Variants in RAF1 observed in about 807,000 individuals in gnomAD.
The protein encoded by RAF1 is Raf-1 proto-oncogene, serine/threonine kinase.
RAF1 carries 27 observed loss-of-function variants against 81.1 expected under a neutral mutation model. The observed-to-expected ratio is 0.33, with a 90% confidence interval of 0.25 to 0.46. RAF1 has a LOEUF of 0.46. Ranked by LOEUF, RAF1 falls within the 20% of genes least tolerant of loss-of-function variation. RAF1 has a pLI of 1.00. For synonymous variants in RAF1, 298 were observed against 294.0 expected, an observed-to-expected ratio of 1.01 and a Z score of -0.14; for missense variants, 598 against 826.0, an observed-to-expected ratio of 0.72 and a Z score of 3.38.
chr3:12,598,522 C>T (rs866824711), intron 11 of RAF1, among the ~76,000 whole-genome samples: 1 of 151,754 alleles, frequency 6.6e-6, no homozygotes, highest in Non-Finnish European at 1.5e-5. Context: ...TGCTTGAGTC[C>T]AGGAGTTGGA....
intron 5 of RAF1, among the ~76,000 whole-genome samples, chr3:12,607,367 G>A (rs1249864551): frequency 2.0e-5 from 3 of 152,226 alleles, no homozygotes; most frequent in African/African-American, 7.2e-5. Flanking sequence ...AGCTTGTGCC[G>A]CCGGATGCGG....
chr3:12,635,237 T>C (rs2059980833), intron 1 of RAF1, among the ~76,000 whole-genome samples: 1 of 143,018 alleles, frequency 7.0e-6, no homozygotes, highest in South Asian at 2.2e-4. Flanking sequence ...GAGAATTGCT[T>C]GAAACCGGGA....
At chr3:12,594,621 G>A (rs2058628523) in intron 11 of RAF1, among the ~76,000 whole-genome samples, 1 of 152,154 alleles carries the variant, frequency 6.6e-6, no homozygotes, top group Admixed American at 6.5e-5. Flanking sequence ...TTCCACACAC[G>A]TTATCATTAA....
rs2058798173 is a variant in RAF1 at position 12,599,752 on chromosome 3, C to A, written c.1107G>T (p.Val369=). Residue 369 remains valine, a synonymous_variant, in exon 11 of 18, where the codon GTG becomes GTT. Transcript: ENST00000442415. ...CTGACCCAATCCGAGTGGACAGCAT[C>A]ACTTCACTGGCTTCTATTTCCCAAT... 1.2e-6 allele frequency: 2 copies of A among 1,614,180 alleles called. No homozygotes were observed. The highest frequency in any genetic ancestry group is 8.5e-7 in the Non-Finnish European group (1 of 1,180,036).
chr3:12,645,816 G>A (rs936973478), intron 1 of RAF1, among the ~76,000 whole-genome samples: 8 of 152,020 alleles, frequency 5.3e-5, no homozygotes, highest in African/African-American at 1.2e-4. Flanking sequence ...CTCAAGCAGC[G>A]TCTCAGCTCA....
Position 12,606,289 on chromosome 3 carries a change from T to A in RAF1, c.592A>T (p.Asn198Tyr), listed in dbSNP as rs1208112942. 6 of 1,611,320 alleles carry A rather than the reference T, an allele frequency of 3.7e-6. No individual in the cohort carries two copies. The African/African-American group carries it at 8.0e-5, about 22-fold the overall frequency. Residue 198 changes from asparagine to tyrosine, a missense_variant, in exon 6 of 18, where the codon AAT becomes TAT. This residue lies in a region of RAF1 where 194 missense variants were observed against 202.7 expected (regional missense o/e 0.96). Transcript: ENST00000442415. ...ACTCCACTATCACCAATAGTGGAAT[T>A]TGGAAACAATCTAAACAAAAGCAGG...
At chr3:12,650,586 G>GA (rs1559487204) in intron 1 of RAF1, among the ~76,000 whole-genome samples, 1 of 152,108 alleles carries the variant, frequency 6.6e-6, no homozygotes, top group East Asian at 1.9e-4. Flanking sequence ...GGAATGAAAG[G>GA]AAAAAAAGAA....
chr3:12,635,312 C>T lies in RAF1; in HGVS notation c.-26-16565G>A, dbSNP rs1423373234. 3.5e-5 allele frequency among the ~76,000 whole-genome samples: 3 copies of T among 84,570 alleles called. No homozygotes were observed. In the Admixed American group the frequency reaches 6.2e-4, roughly 18 times the overall value. The allele number at this position is 84,570 out of a possible 152,430, so 55.5% of individuals were successfully genotyped here. On this transcript the variant is annotated intron_variant, in intron 1 of 17. Transcript: ENST00000442415. ...CCAGCCTGGGTGACAGAGGGAGACCCTGTCTCAAAAAAAAAAAAAAAAAAA... is the reference window on the plus strand; with the variant it reads ...CCAGCCTGGGTGACAGAGGGAGACCTTGTCTCAAAAAAAAAAAAAAAAAAA...
At position 12,663,810 on chromosome 3, in the gene RAF1, T is replaced by C. The variant is rs1307734554; in HGVS notation, c.-27+3A>G. 25 of 397,030 alleles carry C rather than the reference T, an allele frequency of 6.3e-5. No individual in the cohort carries two copies. Among genetic ancestry groups the C allele is most frequent in the East Asian group, 3.6e-5 (1 of 28,018 alleles). 24.6% of individuals were successfully genotyped at this position (397,030 alleles called of 1,614,324 possible). ...GCATCCACGACCCGGTCCTGCCACC[T>C]ACCTGAGGGAGCCAGGCCGCCCCAA... On this transcript the variant is annotated splice_donor_region_variant and intron_variant, in intron 1 of 17. Transcript: ENST00000442415.
chr3:12,634,470 G>A (rs953976584), intron 1 of RAF1, among the ~76,000 whole-genome samples: 1 of 152,054 alleles, frequency 6.6e-6, no homozygotes, highest in Non-Finnish European at 1.5e-5. Context: ...TTTCTCAAGG[G>A]ATTTGTTACA....
intron 13 of RAF1, chr3:12,589,379 G>GC (rs1559405475): frequency 1.3e-5 from 2 of 152,096 alleles, no homozygotes; most frequent in Non-Finnish European, 2.9e-5. Context: ...TACACAGAAG[G>GC]CAACTTCCAT....
In RAF1 at chr3:12,611,902, G is replaced by C. The variant is rs924053715; in HGVS notation, c.320+48C>G. ...ATACAAACATAGCTATTTGAAGCTA[G>C]AAGATCCTTACTAGTCTGAAGAAGT... On this transcript the variant is annotated intron_variant, in intron 3 of 17. Coordinates refer to ENST00000442415, the MANE Select transcript of RAF1 (RefSeq NM_001354689.3). The C allele has an allele frequency of 4.5e-6, 6 of 1,335,274 alleles. No homozygotes were observed. The African/African-American group carries it at 8.6e-5, about 19-fold the overall frequency. 82.7% of individuals were successfully genotyped at this position (1,335,274 alleles called of 1,614,324 possible).
intron 1 of RAF1, among the ~76,000 whole-genome samples, chr3:12,646,176 G>A (rs2060342111): frequency 6.6e-6 from 1 of 152,070 alleles, no homozygotes; most frequent in Non-Finnish European, 1.5e-5. Context: ...GTCTCCCTTT[G>A]TCACCTAGGC....
At position 12,663,839 on chromosome 3, in the gene RAF1, C is replaced by T. The variant is rs985291322; in HGVS notation, c.-53G>A. On this transcript the variant is annotated 5_prime_UTR_variant, in exon 1 of 18. Transcript: ENST00000442415. Reference sequence around the variant, plus strand: ...TGAGGGAGCCAGGCCGCCCCAACGTCCTGTCGTTCGGCGGCAGCTTCTCGC... The same window carrying T: ...TGAGGGAGCCAGGCCGCCCCAACGTTCTGTCGTTCGGCGGCAGCTTCTCGC... 4.5e-5 allele frequency: 18 copies of T among 397,762 alleles called. No individual in the cohort carries two copies. Among genetic ancestry groups the T allele is most frequent in the Non-Finnish European group, 7.5e-5 (17 of 225,580 alleles). 24.6% of individuals were successfully genotyped at this position (397,762 alleles called of 1,614,324 possible). A position where few individuals can be genotyped will look rare whatever the true frequency, so the allele number is the denominator to read the frequency against.
At chr3:12,620,006 C>T (rs914171627) in intron 1 of RAF1, among the ~76,000 whole-genome samples, 15 of 151,946 alleles carry the variant, frequency 9.9e-5, no homozygotes, top group African/African-American at 3.4e-4. Context: ...GGCGTGAACC[C>T]GGGAGGCAGA....
At chr3:12,657,609 T>G (rs2060737864) in intron 1 of RAF1, among the ~76,000 whole-genome samples, 2 of 151,914 alleles carry the variant, frequency 1.3e-5, no homozygotes, top group African/African-American at 2.4e-5. Context: ...CCATCTCTAC[T>G]AAAAATACAA....
intron 2 of RAF1, among the ~76,000 whole-genome samples, chr3:12,617,562 T>C (rs2059408574): frequency 6.6e-6 from 1 of 152,116 alleles, no homozygotes; most frequent in Non-Finnish European, 1.5e-5. Flanking sequence ...CAGAAAACTT[T>C]TTGAGAGCTA....
At chr3:12,662,080 G>C (rs1219965980) in intron 1 of RAF1, among the ~76,000 whole-genome samples, 2 of 151,186 alleles carry the variant, frequency 1.3e-5, no homozygotes, top group Non-Finnish European at 2.9e-5. Context: ...ATCCCAGCAA[G>C]CACGTTGGGA....
At chr3:12,630,131 G>C (rs2059819162) in intron 1 of RAF1, among the ~76,000 whole-genome samples, 1 of 152,120 alleles carries the variant, frequency 6.6e-6, no homozygotes, top group Admixed American at 6.6e-5. Context: ...TTGGGAAGGA[G>C]GATAAAGGGG....
Sources: allele counts gnomAD v4.1 joint callset (sites outside exome capture counted in the v4.1 genomes callset), GRCh38; gene constraint gnomAD v4.1.1; regional missense constraint gnomAD v4.1.1; transcripts MANE v1.5; gene names NCBI Gene and HGNC (gene_info 2026-07-23, HGNC 2026-07-21).